The following EPHA6 variants were observed in gnomAD, a reference collection of about 807,000 sequenced individuals.
EPHA6 encodes ephrin type-A receptor 6.
A neutral mutation model predicts 112.0 loss-of-function variants in EPHA6; 50 were observed. The observed-to-expected ratio is 0.45, with a 90% CI of 0.36 to 0.56. The LOEUF is 0.56. Ranked by LOEUF, EPHA6 falls within the 20% of genes least tolerant of loss-of-function variation. The probability of loss-of-function intolerance (pLI) is 0.00; values close to 1 mark genes in which losing one functional copy is unlikely to be tolerated. For missense variants in EPHA6, 1,280 were observed against 1,417.4 expected, an observed-to-expected ratio of 0.90 and a Z score of 1.56; for synonymous variants, 529 against 490.7, an observed-to-expected ratio of 1.08 and a Z score of -1.03.
At chr3:97,378,234 G>A (rs2085490651) in intron 5 of EPHA6, among the ~76,000 whole-genome samples, 1 of 152,214 alleles carries the variant, frequency 6.6e-6, no homozygotes. Flanking sequence ...GAGGATGCAA[G>A]CCCCAAGCCT....
chr3:97,170,068 C>T (rs1463904048), intron 3 of EPHA6, among the ~76,000 whole-genome samples: 1 of 150,560 alleles, frequency 6.6e-6, no homozygotes, highest in African/African-American at 2.5e-5. Context: ...CACCATGGCA[C>T]ATGTATGCCT....
At chr3:97,720,075 C>G (rs1444994278) in intron 14 of EPHA6, among the ~76,000 whole-genome samples, 186 bp from the exon 15 acceptor site, 2 of 152,154 alleles carry the variant, frequency 1.3e-5, no homozygotes, top group Non-Finnish European at 2.9e-5. Context: ...GCTATTTTTA[C>G]TGAATAATTA....
intron 3 of EPHA6, among the ~76,000 whole-genome samples, chr3:97,048,494 T>G (rs1359451572): frequency 6.6e-6 from 1 of 152,152 alleles, no homozygotes; most frequent in African/African-American, 2.4e-5. Flanking sequence ...TGAATGTAAT[T>G]GAACATAAAG....
intron 2 of EPHA6, among the ~76,000 whole-genome samples, chr3:96,882,730 CTGTGTGTG>C (rs1207060710): frequency 0.026 from 3,372 of 129,284 alleles, 137 homozygotes; most frequent in African/African-American, 0.095. Context: ...CATTGTGTGT[CTGTGTGTG>C]TGTGTGTGTG....
At chr3:96,867,688 A>T (rs561200532) in intron 2 of EPHA6, among the ~76,000 whole-genome samples, 33 of 151,900 alleles carry the variant, frequency 2.2e-4, no homozygotes, top group Admixed American at 1.1e-3. Flanking sequence ...TAATTTTCTT[A>T]TTAATCACAT....
chr3:96,994,732 T>TATATATAGAGAG lies in EPHA6; in HGVS notation c.1114+6740_1114+6741insTATATAGAGAGA, dbSNP rs1170197805. Reference sequence around the variant, plus strand: ...GTGTATATATATATATATATATATATAGAGAGAGAGAGAGAGAGAGAGAGA... The same window carrying TATATATAGAGAG: ...GTGTATATATATATATATATATATATATATATAGAGAGAGAGAGAGAGAGAGAGAGAGAGAGA... On this transcript the variant is annotated intron_variant, in intron 3 of 17. Coordinates refer to ENST00000389672, the MANE Select transcript of EPHA6 (RefSeq NM_001080448.3). Among the ~76,000 whole-genome samples the TATATATAGAGAG allele has an allele frequency of 1.6e-3, 129 of 82,190 alleles. 3 individuals are homozygous for TATATATAGAGAG. Among genetic ancestry groups the TATATATAGAGAG allele is most frequent in the Admixed American group, 4.0e-3 (27 of 6,670 alleles). The allele number at this position is 82,190 out of a possible 152,430, so 53.9% of individuals were successfully genotyped here.
rs139159747 is a variant in EPHA6, at chr3:97,496,269, T to G, written c.2200+12210T>G. Among the ~76,000 whole-genome samples the G allele has an allele frequency of 7.9e-5, 12 of 152,254 alleles. No individual in the cohort carries two copies. The South Asian group carries it at 1.7e-3, about 21-fold the overall frequency. ...CTTTGTCCGTGGTTTCCTCCTCGCTTCAGCCTATCAGGAAAAAAAAGTCTG... is the reference window on the plus strand; with the variant it reads ...CTTTGTCCGTGGTTTCCTCCTCGCTGCAGCCTATCAGGAAAAAAAAGTCTG... On this transcript the variant is annotated intron_variant, in intron 10 of 17. Coordinates refer to ENST00000389672, the MANE Select transcript of EPHA6 (RefSeq NM_001080448.3).
intron 7 of EPHA6, among the ~76,000 whole-genome samples, chr3:97,460,943 CAG>C (rs2090867824): frequency 6.6e-6 from 1 of 152,112 alleles, no homozygotes; most frequent in Non-Finnish European, 1.5e-5. Context: ...CCATCTAAGA[CAG>C]ATAATAAGAG....
chr3:97,741,444 T>C (rs563052802), intron 16 of EPHA6, among the ~76,000 whole-genome samples: 8 of 152,134 alleles, frequency 5.3e-5, no homozygotes, highest in Non-Finnish European at 1.2e-4. Context: ...TTAATACTGA[T>C]ACAAACTCTT....
chr3:96,835,721 G>A (rs1298677571), intron 1 of EPHA6, among the ~76,000 whole-genome samples: 1 of 151,948 alleles, frequency 6.6e-6, no homozygotes, highest in Non-Finnish European at 1.5e-5. Context: ...CCATATTTGA[G>A]TCCCACCCAG....
chr3:97,074,578 C>G (rs1026188553), intron 3 of EPHA6, among the ~76,000 whole-genome samples: 3 of 151,796 alleles, frequency 2.0e-5, no homozygotes, highest in Non-Finnish European at 4.4e-5. Flanking sequence ...ACCAAAGATT[C>G]TCAAACTCCT....
At chr3:97,145,592 A>G (rs1335802849) in intron 3 of EPHA6, among the ~76,000 whole-genome samples, 1 of 151,306 alleles carries the variant, frequency 6.6e-6, no homozygotes, top group African/African-American at 2.4e-5. Context: ...TGTTTATTTT[A>G]CTACTTCTTA....
At chr3:97,201,278 A>G (rs1330103885) in intron 3 of EPHA6, among the ~76,000 whole-genome samples, 4 of 152,144 alleles carry the variant, frequency 2.6e-5, no homozygotes, top group Non-Finnish European at 5.9e-5. Flanking sequence ...GTATTTACTC[A>G]CTAAACACAT....
At chr3:97,077,179 C>T (rs1327985873) in intron 3 of EPHA6, among the ~76,000 whole-genome samples, 1 of 152,122 alleles carries the variant, frequency 6.6e-6, no homozygotes, top group Non-Finnish European at 1.5e-5. Context: ...CTGGAAAAAG[C>T]TCACCATTTT....
intron 12 of EPHA6, among the ~76,000 whole-genome samples, chr3:97,597,014 T>C (rs1368913763): frequency 6.6e-6 from 1 of 150,776 alleles, no homozygotes; most frequent in African/African-American, 2.4e-5. Flanking sequence ...AACTCAAATA[T>C]ATCTTAAACT....
chr3:97,760,819 A>G lies in EPHA6; in HGVS notation c.*12118A>G, dbSNP rs781726971. Reference sequence around the variant, plus strand: ...ACAGCTAAAAATAATTTCCCTCCCTATAAGTACAAATATGATTTTTAAAGC... The same window carrying G: ...ACAGCTAAAAATAATTTCCCTCCCTGTAAGTACAAATATGATTTTTAAAGC... On this transcript the variant is annotated 3_prime_UTR_variant, in exon 18 of 18. Coordinates refer to ENST00000389672, the MANE Select transcript of EPHA6 (RefSeq NM_001080448.3). The G allele has an allele frequency of 2.1e-5, 4 of 186,634 alleles. No individual in the cohort carries two copies. Among genetic ancestry groups the G allele is most frequent in the South Asian group, 2.0e-4 (1 of 5,128 alleles). The allele number at this position is 186,634 out of a possible 1,614,324, so 11.6% of individuals were successfully genotyped here.
chr3:97,557,181 T>C (rs1412277022), intron 11 of EPHA6, among the ~76,000 whole-genome samples: 1 of 152,062 alleles, frequency 6.6e-6, no homozygotes, highest in Non-Finnish European at 1.5e-5. Context: ...TTTTAAATAC[T>C]GAAAATTACT....
intron 1 of EPHA6, among the ~76,000 whole-genome samples, chr3:96,829,288 GA>G (rs1377482711): frequency 6.6e-6 from 1 of 152,134 alleles, no homozygotes; most frequent in African/African-American, 2.4e-5. Flanking sequence ...ACATAGTCCA[GA>G]AGGTAAGGAG....
rs144636966 is a variant in EPHA6, at chr3:97,488,297, C to T, written c.2200+4238C>T. ...AAATTTTTTCTCTTTCTAGAATAGTCCAGGAAGTTTTAACTGTTGGTTTCT... is the reference window on the plus strand; with the variant it reads ...AAATTTTTTCTCTTTCTAGAATAGTTCAGGAAGTTTTAACTGTTGGTTTCT... On this transcript the variant is annotated intron_variant, in intron 10 of 17. Coordinates refer to ENST00000389672, the MANE Select transcript of EPHA6 (RefSeq NM_001080448.3). Among the ~76,000 whole-genome samples the T allele has an allele frequency of 2.0e-3, 297 of 152,216 alleles. 1 individual carries two copies. Among genetic ancestry groups the T allele is most frequent in the African/African-American group, 6.6e-3 (273 of 41,532 alleles).
Sources: allele counts gnomAD v4.1 joint callset (sites outside exome capture counted in the v4.1 genomes callset), GRCh38; gene constraint gnomAD v4.1.1; transcripts MANE v1.5; gene names NCBI Gene and HGNC (gene_info 2026-07-23, HGNC 2026-07-21).